The following WWC2 variants were observed in gnomAD, a reference collection of about 807,000 sequenced individuals.
The protein encoded by WWC2 is protein WWC2.
In WWC2, 101 loss-of-function variants were observed where a neutral mutation model predicts 138.5. The ratio of observed to expected loss-of-function variants is 0.73; its 90% CI spans 0.62 to 0.86. The LOEUF is 0.86. Among genes scored for constraint, WWC2 ranks in the 40% least tolerant of loss-of-function variants. The probability of loss-of-function intolerance (pLI) is 0.00; values close to 1 mark genes in which losing one functional copy is unlikely to be tolerated. For synonymous variants in WWC2, 558 were observed against 538.4 expected (o/e 1.04, Z -0.50); for missense variants, 1,420 against 1,419.4 (o/e 1.00, Z -0.01).
chr4:183,266,870 A>G (rs1440674911), intron 14 of WWC2, among the ~76,000 whole-genome samples: 1 of 152,204 alleles, frequency 6.6e-6, no homozygotes, highest in East Asian at 1.9e-4. Flanking sequence ...AAGACTTTTA[A>G]TAGAATAAAT....
Position 183,317,257 on chromosome 4 carries a change from T to C in WWC2, c.*1528T>C, listed in dbSNP as rs1739471095. 6.6e-6 allele frequency: 1 copy of C among 152,198 alleles called. No homozygotes were observed. The highest frequency in any genetic ancestry group is 1.5e-5 in the Non-Finnish European group (1 of 68,024). The allele number at this position is 152,198 out of a possible 1,614,324, so 9.4% of individuals were successfully genotyped here. A position where few individuals can be genotyped will look rare whatever the true frequency, so the allele number is the denominator to read the frequency against. ...TTATTTTCTTGAAAGCAATTATATA[T>C]ATTTTGGAAAGTTCATGTTATTGGA... On this transcript the variant is annotated 3_prime_UTR_variant, in exon 23 of 23. Coordinates refer to ENST00000403733, the MANE Select transcript of WWC2 (RefSeq NM_024949.6).
At chr4:183,295,933 A>G (rs10003916) in intron 21 of WWC2, among the ~76,000 whole-genome samples, 55,085 of 151,982 alleles carry the variant, frequency 0.36, 10,644 homozygotes, top group Middle Eastern at 0.48. Context: ...CTTGTAAGTG[A>G]CCTCTTTGGG....
At chr4:183,114,234 C>T (rs947514847) in intron 1 of WWC2, among the ~76,000 whole-genome samples, 12 of 152,140 alleles carry the variant, frequency 7.9e-5, no homozygotes, top group Non-Finnish European at 1.8e-4. Flanking sequence ...TGTGCCTGCT[C>T]CTCTTTTGCC....
chr4:183,285,628 C>T (rs531174225), intron 19 of WWC2, among the ~76,000 whole-genome samples: 17 of 152,154 alleles, frequency 1.1e-4, no homozygotes, highest in African/African-American at 3.9e-4. Context: ...GGCATGGTGG[C>T]GTGCGCCTGT....
chr4:183,131,914 G>A (rs1732937312), intron 1 of WWC2, among the ~76,000 whole-genome samples: 1 of 152,100 alleles, frequency 6.6e-6, no homozygotes. Context: ...TCACAGCTCT[G>A]TGTATTGAAA....
intron 14 of WWC2, among the ~76,000 whole-genome samples, chr4:183,268,345 A>G (rs945954192): frequency 6.6e-6 from 1 of 152,204 alleles, no homozygotes; most frequent in Admixed American, 6.5e-5. Flanking sequence ...GTTTTTCTAT[A>G]ACTCTTCCTC....
intron 1 of WWC2, among the ~76,000 whole-genome samples, chr4:183,171,473 A>G (rs966535661): frequency 2.0e-5 from 3 of 152,216 alleles, no homozygotes; most frequent in Non-Finnish European, 4.4e-5. Flanking sequence ...TATACTTTAC[A>G]TAATCTCTGA....
At chr4:183,304,668 AAGG>A (rs1738965850) in intron 21 of WWC2, among the ~76,000 whole-genome samples, 1 of 152,234 alleles carries the variant, frequency 6.6e-6, no homozygotes, top group African/African-American at 2.4e-5. Flanking sequence ...TGTTCCACCT[AAGG>A]AGGGGGAAAG....
chr4:183,166,278 G>A lies in WWC2; in HGVS notation c.132-27321G>A, dbSNP rs144810313. Among the ~76,000 whole-genome samples the A allele has an allele frequency of 1.3e-3, 200 of 152,056 alleles. 1 individual carries two copies. The highest frequency in any genetic ancestry group is 4.6e-3 in the African/African-American group (190 of 41,476). On this transcript the variant is annotated intron_variant, in intron 1 of 22. Transcript: ENST00000403733. ...AAGGCATTTGGGGTATTTGTCTGCTGTAGCCCGTGGCATTCAGGGATGAGA... is the reference window on the plus strand; with the variant it reads ...AAGGCATTTGGGGTATTTGTCTGCTATAGCCCGTGGCATTCAGGGATGAGA...
chr4:183,291,420 C>T (rs1053602959), intron 21 of WWC2, among the ~76,000 whole-genome samples: 2 of 152,190 alleles, frequency 1.3e-5, no homozygotes, highest in African/African-American at 4.8e-5. Flanking sequence ...ATGACCTGCT[C>T]TTAGTTTGTA....
At chr4:183,233,038 T>C (rs150338218) in intron 4 of WWC2, among the ~76,000 whole-genome samples, 2 of 152,190 alleles carry the variant, frequency 1.3e-5, no homozygotes, top group East Asian at 3.9e-4. Flanking sequence ...AACTTACATG[T>C]ACAAGTGTTT....
At chr4:183,229,268 C>G (rs947358358) in intron 4 of WWC2, among the ~76,000 whole-genome samples, 12 of 152,054 alleles carry the variant, frequency 7.9e-5, no homozygotes, top group Non-Finnish European at 1.5e-4. Context: ...TAATACACTT[C>G]TAAATAATGG....
Position 183,209,045 on chromosome 4 carries a change from G to C in WWC2, c.522+20G>C. ...TTAAGGGTAAGAAGTTTTAAATTGT[G>C]GTTCTATGTTGACCCATATGCATAG... On this transcript the variant is annotated intron_variant, in intron 4 of 22. Coordinates refer to ENST00000403733, the MANE Select transcript of WWC2 (RefSeq NM_024949.6). 9.8e-6 allele frequency: 15 copies of C among 1,525,274 alleles called. No homozygotes were observed. The highest frequency in any genetic ancestry group is 1.3e-5 in the Non-Finnish European group (15 of 1,119,974). 94.5% of individuals were successfully genotyped at this position (1,525,274 alleles called of 1,614,324 possible). A position where few individuals can be genotyped will look rare whatever the true frequency, so the allele number is the denominator to read the frequency against.
chr4:183,120,293 T>C (rs1180594854), intron 1 of WWC2, among the ~76,000 whole-genome samples: 1 of 152,186 alleles, frequency 6.6e-6, no homozygotes, highest in Non-Finnish European at 1.5e-5. Flanking sequence ...TCATAGCATA[T>C]AGAATGAAAT....
chr4:183,210,770 C>G (rs1387794181), intron 4 of WWC2, among the ~76,000 whole-genome samples: 1 of 152,148 alleles, frequency 6.6e-6, no homozygotes, highest in South Asian at 2.1e-4. Context: ...TGATACTGTA[C>G]TGAGTACTGG....
chr4:183,314,402 C>T (rs1316029168), intron 22 of WWC2, among the ~76,000 whole-genome samples: 2 of 152,168 alleles, frequency 1.3e-5, no homozygotes, highest in Non-Finnish European at 2.9e-5. Context: ...CCTTAAGATA[C>T]GAAGCATATT....
chr4:183,267,414 C>G (rs1219575137), intron 14 of WWC2, among the ~76,000 whole-genome samples: 1 of 152,166 alleles, frequency 6.6e-6, no homozygotes, highest in Non-Finnish European at 1.5e-5. Flanking sequence ...CTTCTCCCTA[C>G]CAGTAGATAA....
rs193235282 is a variant in WWC2, at chr4:183,274,071, A to G, written c.2562+2830A>G. Among the ~76,000 whole-genome samples the G allele has an allele frequency of 1.3e-3, 200 of 152,340 alleles. 2 individuals carry two copies. The highest frequency in any genetic ancestry group is 4.6e-3 in the African/African-American group (193 of 41,590). ...TATTTCTGGACTCTCAATCCTGTTCATTAATCCACATGTCTGTACTTAAGC... is the reference window on the plus strand; with the variant it reads ...TATTTCTGGACTCTCAATCCTGTTCGTTAATCCACATGTCTGTACTTAAGC... On this transcript the variant is annotated intron_variant, in intron 16 of 22. Coordinates refer to ENST00000403733, the MANE Select transcript of WWC2 (RefSeq NM_024949.6).
intron 1 of WWC2, among the ~76,000 whole-genome samples, chr4:183,130,965 A>G (rs1732909374): frequency 1.3e-5 from 2 of 152,336 alleles, no homozygotes. Flanking sequence ...TGTCCTAGCC[A>G]GTTTGACACA....
Sources: gnomAD v4.1 joint callset for allele counts (sites outside exome capture counted in the v4.1 genomes callset) on GRCh38, gnomAD v4.1.1 for gene constraint, MANE v1.5 for transcripts, NCBI Gene and HGNC (gene_info 2026-07-23, HGNC 2026-07-21) for gene names.